SCLT1: variants seen among roughly 807,000 people sequenced by gnomAD.
The protein encoded by SCLT1 is sodium channel and clathrin linker 1.
In SCLT1, 78 loss-of-function variants were observed where a neutral mutation model predicts 112.8. That is an observed-to-expected ratio of 0.69 (90% CI 0.58 to 0.83). The LOEUF is 0.83. SCLT1 is among the 40% of genes least tolerant of loss of function. The pLI, the probability that SCLT1 is intolerant of heterozygous loss-of-function variation, is 0.00. For synonymous variants in SCLT1, 257 were observed against 254.7 expected, an observed-to-expected ratio of 1.01 and a Z score of -0.09; for missense variants, 747 against 770.4, an observed-to-expected ratio of 0.97 and a Z score of 0.36.
At chr4:128,931,486 G>A (rs1217614646) in intron 18 of SCLT1, among the ~76,000 whole-genome samples, 2 of 151,980 alleles carry the variant, frequency 1.3e-5, no homozygotes, top group East Asian at 3.9e-4. Flanking sequence ...ATTTTGAGAG[G>A]GAGTCTCACT....
intron 18 of SCLT1, among the ~76,000 whole-genome samples, chr4:128,912,419 A>G (rs1266710832): frequency 1.3e-5 from 2 of 152,146 alleles, no homozygotes; most frequent in Admixed American, 1.3e-4. Context: ...ATTAAAAATA[A>G]ATTTTTTAAC....
chr4:129,025,971 A>C (rs1304974069), intron 5 of SCLT1, among the ~76,000 whole-genome samples: 2 of 152,172 alleles, frequency 1.3e-5, no homozygotes, highest in African/African-American at 2.4e-5. Flanking sequence ...ACATAATGGT[A>C]AAGGGATCAA....
At chr4:129,008,180 T>C (rs376660392) in intron 5 of SCLT1, among the ~76,000 whole-genome samples, 5 of 152,226 alleles carry the variant, frequency 3.3e-5, no homozygotes, top group Non-Finnish European at 4.4e-5. Flanking sequence ...TATTCTAGGA[T>C]GATTTTTCCT....
chr4:129,035,543 A>G (rs1246947820), intron 5 of SCLT1, among the ~76,000 whole-genome samples: 1 of 145,668 alleles, frequency 6.9e-6, no homozygotes, highest in East Asian at 2.0e-4. Flanking sequence ...TGTATGAAGG[A>G]AAAAAAAACA....
chr4:129,085,111 A>G (rs1752278008), intron 1 of SCLT1, among the ~76,000 whole-genome samples: 1 of 152,218 alleles, frequency 6.6e-6, no homozygotes, highest in South Asian at 2.1e-4. Flanking sequence ...AAATTTCTGC[A>G]AACTGTGTAT....
At chr4:129,024,318 C>A (rs1415432829) in intron 5 of SCLT1, among the ~76,000 whole-genome samples, 1 of 152,184 alleles carries the variant, frequency 6.6e-6, no homozygotes, top group Non-Finnish European at 1.5e-5. Context: ...CAGACTGACA[C>A]CTCACATGGC....
intron 18 of SCLT1, among the ~76,000 whole-genome samples, chr4:128,892,691 G>A (rs1419653792): frequency 1.3e-5 from 2 of 152,130 alleles, no homozygotes; most frequent in African/African-American, 4.8e-5. Context: ...ATTCGTTACA[G>A]GCCAGGTGCA....
intron 18 of SCLT1, among the ~76,000 whole-genome samples, chr4:128,930,554 G>A (rs573250692): frequency 4.6e-5 from 7 of 152,296 alleles, no homozygotes; most frequent in East Asian, 3.9e-4. Flanking sequence ...CTAGAGTCAC[G>A]GAAGTGGGAA....
chr4:128,984,631 A>T (rs1428472656), intron 9 of SCLT1, among the ~76,000 whole-genome samples: 1 of 152,084 alleles, frequency 6.6e-6, no homozygotes, highest in Non-Finnish European at 1.5e-5. Context: ...GCAGGTCTTT[A>T]TGAACCAGTT....
At chr4:129,064,028 C>G (rs759460781) in intron 2 of SCLT1, among the ~76,000 whole-genome samples, 1 of 152,246 alleles carries the variant, frequency 6.6e-6, no homozygotes, top group South Asian at 2.1e-4. Context: ...CAATAGTATT[C>G]TGGAACTTCT....
chr4:128,899,815 A>C (rs1308028062), intron 18 of SCLT1, among the ~76,000 whole-genome samples: 1 of 152,246 alleles, frequency 6.6e-6, no homozygotes, highest in Non-Finnish European at 1.5e-5. Context: ...CTGATAGGCA[A>C]CTTCAGCAAA....
chr4:128,898,637 T>C (rs1055904928), intron 18 of SCLT1, among the ~76,000 whole-genome samples: 3 of 152,060 alleles, frequency 2.0e-5, no homozygotes, highest in Non-Finnish European at 4.4e-5. Flanking sequence ...AGCAAACACA[T>C]TCAAAAGCTA....
At chr4:129,060,432 C>T (rs985031871) in intron 2 of SCLT1, among the ~76,000 whole-genome samples, 3 of 152,138 alleles carry the variant, frequency 2.0e-5, no homozygotes, top group African/African-American at 7.2e-5. Context: ...GATCCATACA[C>T]CTGTTGGAAC....
chr4:128,945,153 C>T (rs1579456327), intron 16 of SCLT1, among the ~76,000 whole-genome samples: 2 of 152,242 alleles, frequency 1.3e-5, no homozygotes, highest in African/African-American at 4.8e-5. Context: ...GCAAAATACT[C>T]ATAATGCAGA....
chr4:128,980,159 A>C lies in SCLT1; in HGVS notation c.687-9691T>G, dbSNP rs188696969. 5.9e-5 allele frequency among the ~76,000 whole-genome samples: 9 copies of C among 152,296 alleles called. No individual in the cohort carries two copies. The East Asian group carries it at 1.7e-3, about 29-fold the overall frequency. On this transcript the variant is annotated intron_variant, in intron 9 of 20. Coordinates refer to ENST00000281142, the MANE Select transcript of SCLT1 (RefSeq NM_144643.4). ...GCACATCTGCTCAGGGCCATTTCTC[A>C]CATGGGATTGTTTCCAAGACACACT...
chr4:129,064,089 G>T (rs1425933356), intron 2 of SCLT1, among the ~76,000 whole-genome samples: 1 of 152,090 alleles, frequency 6.6e-6, no homozygotes, highest in African/African-American at 2.4e-5. Context: ...GTGCACTGTG[G>T]GGAGATGACA....
At chr4:129,050,393 C>G (rs553070701) in intron 2 of SCLT1, among the ~76,000 whole-genome samples, 1 of 152,276 alleles carries the variant, frequency 6.6e-6, no homozygotes, top group Admixed American at 6.5e-5. Flanking sequence ...AACTTGCCAG[C>G]ATCTATTGTT....
At chr4:128,907,895 C>A (rs988837298) in intron 18 of SCLT1, among the ~76,000 whole-genome samples, 1 of 151,976 alleles carries the variant, frequency 6.6e-6, no homozygotes, top group Non-Finnish European at 1.5e-5. Flanking sequence ...TTAAATAAAA[C>A]AAATAAAAGA....
At chr4:128,960,184 T>C (rs1268647470) in intron 11 of SCLT1, among the ~76,000 whole-genome samples, 3 of 152,174 alleles carry the variant, frequency 2.0e-5, no homozygotes, top group East Asian at 1.9e-4. Context: ...TCTCCTTTCA[T>C]ACTCTCTACC....
Sources: allele counts gnomAD v4.1 joint callset (sites outside exome capture counted in the v4.1 genomes callset), GRCh38; gene constraint gnomAD v4.1.1; transcripts MANE v1.5; gene names NCBI Gene and HGNC (gene_info 2026-07-23, HGNC 2026-07-21).